The following DNAH12 variants were observed in gnomAD, a reference collection of about 807,000 sequenced individuals.
DNAH12 encodes dynein axonemal heavy chain 12.
DNAH12 carries 285 observed loss-of-function variants against 371.5 expected under a neutral mutation model. The ratio of observed to expected loss-of-function variants is 0.77; its 90% CI spans 0.70 to 0.85. The LOEUF is 0.85. Ranked by LOEUF, DNAH12 falls within the 40% of genes least tolerant of loss-of-function variation. DNAH12 has a pLI of 0.00. For synonymous variants in DNAH12, 1,200 were observed against 1,213.0 expected, an observed-to-expected ratio of 0.99 and a Z score of 0.22; for missense variants, 3,611 against 3,689.4, an observed-to-expected ratio of 0.98 and a Z score of 0.55.
At chr3:57,354,092 C>T (rs2062742751) in intron 59 of DNAH12, among the ~76,000 whole-genome samples, 3 of 152,126 alleles carry the variant, frequency 2.0e-5, no homozygotes, top group Non-Finnish European at 4.4e-5. Context: ...CAGTACTATT[C>T]ACAATAGCAA....
In DNAH12 at chr3:57,296,382, G is replaced by A. The variant is rs370848957; in HGVS notation, c.11586C>T (p.His3862=). The A allele has an allele frequency of 5.2e-6, 8 of 1,550,792 alleles. No individual in the cohort carries two copies. Among genetic ancestry groups the A allele is most frequent in the East Asian group, 2.4e-5 (1 of 40,904 alleles). Residue 3862 remains histidine (H), a synonymous_variant, in exon 72 of 74, where the codon CAC becomes CAT. Coordinates refer to ENST00000495027, the MANE Select transcript of DNAH12 (RefSeq NM_001366028.2). Reference sequence around the variant, plus strand: ...AGCGTGCGCCATCGAGATACAGTCCGTGGATATAAACACCATCTTCTGGTG... The same window carrying A: ...AGCGTGCGCCATCGAGATACAGTCCATGGATATAAACACCATCTTCTGGTG... The part of the protein sequence containing the change: ...DTSPEDGVYI[H]GLYLDGARWD...
chr3:57,317,837 G>GT (rs1418070014), intron 65 of DNAH12, among the ~76,000 whole-genome samples: 1 of 151,952 alleles, frequency 6.6e-6, no homozygotes, highest in Admixed American at 6.6e-5. Flanking sequence ...GCTGGTTTTT[G>GT]TTTTTTTGAA....
chr3:57,325,798 G>A (rs2061928901), intron 62 of DNAH12, among the ~76,000 whole-genome samples: 1 of 152,032 alleles, frequency 6.6e-6, no homozygotes, highest in Non-Finnish European at 1.5e-5. Context: ...CAAACCAAAG[G>A]CAAAGAAGTT....
chr3:57,450,939 T>G (rs1404560493), intron 25 of DNAH12, among the ~76,000 whole-genome samples: 1 of 152,234 alleles, frequency 6.6e-6, no homozygotes, highest in Non-Finnish European at 1.5e-5. Flanking sequence ...CTCATATCCC[T>G]GCCCCAGGGG....
At chr3:57,371,698 C>T (rs1336896770) in intron 55 of DNAH12, among the ~76,000 whole-genome samples, 3 of 150,196 alleles carry the variant, frequency 2.0e-5, no homozygotes, top group Non-Finnish European at 4.4e-5. Flanking sequence ...CACAAACACA[C>T]GTGCATACAC....
intron 60 of DNAH12, among the ~76,000 whole-genome samples, chr3:57,343,815 T>C (rs1295351453): frequency 6.6e-6 from 1 of 152,230 alleles, no homozygotes; most frequent in Non-Finnish European, 1.5e-5. Flanking sequence ...GAGACATGTT[T>C]GCAGCAATGC....
At chr3:57,386,344 C>T (rs1324375471) in intron 47 of DNAH12, 97 bp downstream of exon 47, 2 of 152,024 alleles carry the variant, frequency 1.3e-5, no homozygotes, top group Non-Finnish European at 2.9e-5. Flanking sequence ...AACAAAGAGC[C>T]TGGCATATCA....
chr3:57,358,035 C>T (rs1374846197), intron 58 of DNAH12, among the ~76,000 whole-genome samples: 1 of 152,148 alleles, frequency 6.6e-6, no homozygotes, highest in South Asian at 2.1e-4. Flanking sequence ...AAAAATGTTT[C>T]GAGCACTATT....
chr3:57,545,153 T>C (rs1274850215), upstream of DNAH12, among the ~76,000 whole-genome samples: 1 of 142,008 alleles, frequency 7.0e-6, no homozygotes, highest in African/African-American at 2.8e-5. Flanking sequence ...CTTGTATAAA[T>C]AATGTGACTT....
At chr3:57,505,022 G>A (rs1432595982) in intron 8 of DNAH12, among the ~76,000 whole-genome samples, 5 of 152,076 alleles carry the variant, frequency 3.3e-5, no homozygotes, top group Non-Finnish European at 7.4e-5. Context: ...TGAGTAGCTG[G>A]AACTACATTC....
chr3:57,552,507 C>A, the DNAH12 span, among the ~76,000 whole-genome samples: 1 of 152,308 alleles, frequency 6.6e-6, no homozygotes, highest in East Asian at 1.9e-4. Context: ...TTCTTAACAA[C>A]TGTATTTCAT....
At chr3:57,319,873 C>T (rs1195722449) in intron 65 of DNAH12, among the ~76,000 whole-genome samples, 1 of 152,064 alleles carries the variant, frequency 6.6e-6, no homozygotes, top group African/African-American at 2.4e-5. Flanking sequence ...GCATGAGCCA[C>T]CATGCCCAGC....
In DNAH12 at chr3:57,452,924, A is replaced by T. The variant is rs1301670598; in HGVS notation, c.3705T>A (p.Asn1235Lys). The change falls in exon 25 of 74, where the codon AAT becomes AAA. Residue 1235 changes from asparagine to lysine, a missense_variant. Around this residue, in one of 3 missense-constraint regions of DNAH12, gnomAD observed 2,266 missense variants for 2,236.9 expected, o/e 1.01. Coordinates refer to ENST00000495027, the MANE Select transcript of DNAH12 (RefSeq NM_001366028.2). ...CAAGATATTCATAAGCATATTTTAC[A>T]TTGCAATTAATGATACGAACTCGGG... ...ENARVRIINCNVKYAYEYLGN... is the reference protein window; with the variant it reads ...ENARVRIINCKVKYAYEYLGN... 1 of 1,551,488 alleles carries T rather than the reference A, an allele frequency of 6.4e-7. No homozygotes were observed. The highest frequency in any genetic ancestry group is 1.4e-5 in the African/African-American group (1 of 73,170).
At position 57,333,329 on chromosome 3, in the gene DNAH12, C is replaced by CT. The variant is rs34135477; in HGVS notation, c.9978+1135dup. 4.3e-3 allele frequency among the ~76,000 whole-genome samples: 473 copies of CT among 111,080 alleles called. 4 individuals are homozygous for CT. The highest frequency in any genetic ancestry group is 8.1e-3 in the East Asian group (34 of 4,194). 72.9% of individuals were successfully genotyped at this position (111,080 alleles called of 152,430 possible). ...CGGATACATGTTCTTTTTAAGGCAA[C>CT]TTTTTTTTTTTTTTTTTTTTAGATG... is the stretch of plus-strand genomic sequence containing the variant. On this transcript the variant is annotated intron_variant, in intron 62 of 73. Transcript: ENST00000495027.
intron 43 of DNAH12, among the ~76,000 whole-genome samples, chr3:57,400,041 AT>A (rs2063824997): frequency 6.6e-6 from 1 of 152,124 alleles, no homozygotes; most frequent in Admixed American, 6.6e-5. Context: ...GTATTCCCAG[AT>A]CTCTGGGAGG....
At chr3:57,446,838 T>C (rs776925690) in intron 25 of DNAH12, 149 bp from the exon 26 acceptor site, 4 of 829,376 alleles carry the variant, frequency 4.8e-6, no homozygotes, top group Non-Finnish European at 6.6e-6. Context: ...CAAATTTTTC[T>C]AGCTGCATGA....
At chr3:57,425,333 C>T (rs927782473) in intron 34 of DNAH12, among the ~76,000 whole-genome samples, 192 bp from the exon 35 acceptor site, 5 of 151,986 alleles carry the variant, frequency 3.3e-5, no homozygotes, top group Non-Finnish European at 5.9e-5. Context: ...CTGCAGCCTC[C>T]AACTCCTGGG....
chr3:57,300,561 C>A (rs1231217734), intron 70 of DNAH12, among the ~76,000 whole-genome samples: 3 of 152,024 alleles, frequency 2.0e-5, no homozygotes, highest in African/African-American at 7.3e-5. Flanking sequence ...AAATGGAAAT[C>A]ACACATACTA....
rs72869832 is a variant in DNAH12, at chr3:57,445,490, C to T, written c.4180-71G>A. ...TGTTTTTAAGCTGAGCATAAGTATT[C>T]AAAGGTGTGGTGTTGTCAAGTTTAT... is the stretch of plus-strand genomic sequence containing the variant. On this transcript the variant is annotated intron_variant, in intron 27 of 73. Transcript: ENST00000495027. 2.8e-3 allele frequency: 3,596 copies of T among 1,297,474 alleles called. 43 individuals are homozygous for T. In the African/African-American group the frequency reaches 0.031, roughly 11 times the overall value. The allele number at this position is 1,297,474 out of a possible 1,614,324, so 80.4% of individuals were successfully genotyped here.
Sources: allele counts gnomAD v4.1 joint callset (sites outside exome capture counted in the v4.1 genomes callset), GRCh38; gene constraint gnomAD v4.1.1; regional missense constraint gnomAD v4.1.1; transcripts MANE v1.5; gene names NCBI Gene and HGNC (gene_info 2026-07-23, HGNC 2026-07-21).